The following ZNF326 variants were observed in gnomAD, a reference collection of about 807,000 sequenced individuals.
The protein encoded by ZNF326 is DBIRD complex subunit ZNF326.
In ZNF326, 30 loss-of-function variants were observed where a neutral mutation model predicts 63.1. That is an observed-to-expected ratio of 0.48 (90% CI 0.36 to 0.64). The LOEUF (loss-of-function observed/expected upper bound fraction) is 0.64. Ranked by LOEUF, ZNF326 falls within the 30% of genes least tolerant of loss-of-function variation. The pLI, the probability that ZNF326 is intolerant of heterozygous loss-of-function variation, is 0.00. For missense variants in ZNF326, 609 were observed against 720.3 expected (o/e 0.85, Z 1.77); for synonymous variants, 194 against 228.2 (o/e 0.85, Z 1.35).
In ZNF326 at chr1:90,035,338, C is replaced by A. The variant is rs1159698484; in HGVS notation, c.*7637C>A. The A allele has an allele frequency of 6.6e-6, 1 of 152,112 alleles. No homozygotes were observed. The highest frequency in any genetic ancestry group is 1.5e-5 in the Non-Finnish European group (1 of 68,006). The allele number at this position is 152,112 out of a possible 1,614,324, so 9.4% of individuals were successfully genotyped here. Reference sequence around the variant, plus strand: ...AAAGGTAGTTTTGTTTAATAGTTCACCATGAAAATCTGTACTATATAGAAA... The same window carrying A: ...AAAGGTAGTTTTGTTTAATAGTTCAACATGAAAATCTGTACTATATAGAAA... On this transcript the variant is annotated 3_prime_UTR_variant, in exon 12 of 12. Transcript: ENST00000340281.
intron 2 of ZNF326, 34 bp downstream of exon 2, chr1:89,998,188 G>A (rs201892552): frequency 1.2e-4 from 192 of 1,604,496 alleles, no homozygotes; most frequent in Non-Finnish European, 1.6e-4. Flanking sequence ...CTCTTCATGC[G>A]CATAAAAATA....
chr1:90,004,211 T>G (rs1648845407), intron 2 of ZNF326, among the ~76,000 whole-genome samples: 1 of 152,090 alleles, frequency 6.6e-6, no homozygotes, highest in Non-Finnish European at 1.5e-5. Context: ...GTGTTCACAT[T>G]GCTAGAATTT....
intron 1 of ZNF326, among the ~76,000 whole-genome samples, chr1:89,996,976 A>G (rs889082787): frequency 1.3e-5 from 2 of 152,354 alleles, no homozygotes; most frequent in African/African-American, 2.4e-5. Context: ...GAATTGAAAA[A>G]CAATAATAAA....
chr1:90,013,859 C>T (rs181855997), intron 7 of ZNF326, among the ~76,000 whole-genome samples: 1 of 151,714 alleles, frequency 6.6e-6, no homozygotes, highest in African/African-American at 2.4e-5. Flanking sequence ...GTCAGGAGAT[C>T]AAGACCATCC....
At chr1:90,018,303 A>T (rs957003876) in intron 8 of ZNF326, among the ~76,000 whole-genome samples, 2 of 152,022 alleles carry the variant, frequency 1.3e-5, no homozygotes, top group Non-Finnish European at 1.5e-5. Flanking sequence ...AAAAAAAAAA[A>T]AAAAAGTGAC....
In ZNF326 at chr1:90,034,385, C is replaced by T. The variant is rs997589362; in HGVS notation, c.*6684C>T. ...ATTGTCAAATTTATAATCATAGCTA[C>T]GTATTTGAACACAGCGCTTAGAAAT... On this transcript the variant is annotated 3_prime_UTR_variant, in exon 12 of 12. Coordinates refer to ENST00000340281, the MANE Select transcript of ZNF326 (RefSeq NM_182976.4). 1.3e-5 allele frequency: 2 copies of T among 152,058 alleles called. No individual in the cohort carries two copies. The highest frequency in any genetic ancestry group is 4.8e-5 in the African/African-American group (2 of 41,428). The allele number at this position is 152,058 out of a possible 1,614,324, so 9.4% of individuals were successfully genotyped here.
At chr1:90,009,419 TG>T (rs1252077698) in intron 5 of ZNF326, among the ~76,000 whole-genome samples, 1 of 152,154 alleles carries the variant, frequency 6.6e-6, no homozygotes, top group Non-Finnish European at 1.5e-5. Context: ...TTTGGTTGCA[TG>T]ACTCTTCATC....
chr1:89,995,746 T>C (rs1648331678), intron 1 of ZNF326, among the ~76,000 whole-genome samples: 1 of 152,252 alleles, frequency 6.6e-6, no homozygotes, highest in Admixed American at 6.5e-5. Flanking sequence ...TTCACAGTGA[T>C]GTTTCTGTTT....
At position 90,007,538 on chromosome 1, in the gene ZNF326, C is replaced by T; in HGVS notation, c.403C>T (p.Pro135Ser). The T allele has an allele frequency of 1.9e-6, 3 of 1,613,946 alleles. No homozygotes were observed. Among genetic ancestry groups the T allele is most frequent in the South Asian group, 1.1e-5 (1 of 91,064 alleles). The change falls in exon 5 of 12, where the codon CCT becomes TCT. Residue 135 changes from proline to serine, a missense_variant. Pro to Ser is a moderately conservative substitution (Grantham distance 74). Coordinates refer to ENST00000340281, the MANE Select transcript of ZNF326 (RefSeq NM_182976.4). This position sits in a 1 kb window ranked among gnomAD's most constrained non-coding sequence, Gnocchi z 4.9. ...CCAGGGCGGGTCTAGCTGGGAAGCACCTTACTCCCGTTCAAAATTGAGGCC... is the reference window on the plus strand; with the variant it reads ...CCAGGGCGGGTCTAGCTGGGAAGCATCTTACTCCCGTTCAAAATTGAGGCC... The part of the protein sequence containing the change: ...RNQGGSSWEA[P>S]YSRSKLRPGF...
Position 89,995,280 on chromosome 1 carries a change from G to C in ZNF326, c.16+7G>C. Reference sequence around the variant, plus strand: ...GCCATGGACTTCGAGGACGGTAAGCGCTGCCTCTGGCTGGTCGGCGCAGCT... The same window carrying C: ...GCCATGGACTTCGAGGACGGTAAGCCCTGCCTCTGGCTGGTCGGCGCAGCT... On this transcript the variant is annotated splice_region_variant and intron_variant, in intron 1 of 11. Transcript: ENST00000340281. The C allele has an allele frequency of 6.5e-7, 1 of 1,549,778 alleles. No homozygotes were observed. The highest frequency in any genetic ancestry group is 8.7e-7 in the Non-Finnish European group (1 of 1,149,428).
chr1:90,007,761 CAG>C lies in ZNF326; in HGVS notation c.615+13_615+14del, dbSNP rs1649055172. ...GGCCGAGGCCGAGGAGTAAGTACAA[CAG>C]AATCTTTTCAGATTCTTTTCACTAG... On this transcript the variant is annotated intron_variant, in intron 5 of 11. Coordinates refer to ENST00000340281, the MANE Select transcript of ZNF326 (RefSeq NM_182976.4). The surrounding 1 kb of genome is among the most constrained non-coding windows in gnomAD (Gnocchi z 4.9). 4 of 1,491,166 alleles carry C rather than the reference CAG, an allele frequency of 2.7e-6. No individual in the cohort carries two copies. The highest frequency in any genetic ancestry group is 8.9e-7 in the Non-Finnish European group (1 of 1,119,294). The allele number at this position is 1,491,166 out of a possible 1,614,324, so 92.4% of individuals were successfully genotyped here. A position where few individuals can be genotyped will look rare whatever the true frequency, so the allele number is the denominator to read the frequency against.
At chr1:90,025,791 T>A (rs1290640677) in intron 11 of ZNF326, among the ~76,000 whole-genome samples, 1 of 152,180 alleles carries the variant, frequency 6.6e-6, no homozygotes, top group African/African-American at 2.4e-5. Flanking sequence ...GTACAATAAA[T>A]CCTCAAGAAC....
chr1:90,000,978 G>A (rs1271231105), intron 2 of ZNF326, among the ~76,000 whole-genome samples: 1 of 152,048 alleles, frequency 6.6e-6, no homozygotes. Flanking sequence ...AGTGAACAGG[G>A]GTGTATGTAA....
intron 11 of ZNF326, among the ~76,000 whole-genome samples, chr1:90,026,345 C>T (rs1384142096): frequency 6.6e-6 from 1 of 152,090 alleles, no homozygotes; most frequent in African/African-American, 2.4e-5. Context: ...TCCACCAGTC[C>T]CATCCCAGGG....
chr1:90,026,788 T>C (rs929288895), intron 11 of ZNF326, among the ~76,000 whole-genome samples: 11 of 152,252 alleles, frequency 7.2e-5, no homozygotes, highest in African/African-American at 2.7e-4. Context: ...CCTTCTGATA[T>C]GGTCAAATTT....
intron 1 of ZNF326, among the ~76,000 whole-genome samples, 193 bp downstream of exon 1, chr1:89,995,466 G>T (rs971079894): frequency 6.6e-6 from 1 of 152,362 alleles, no homozygotes; most frequent in East Asian, 1.9e-4. Flanking sequence ...CCCGCTCGGC[G>T]CCCGCTGCCG....
At chr1:90,001,741 A>G (rs962677454) in intron 2 of ZNF326, among the ~76,000 whole-genome samples, 3 of 151,944 alleles carry the variant, frequency 2.0e-5, no homozygotes, top group Non-Finnish European at 4.4e-5. Context: ...GTTTTTTAGT[A>G]GAGACGGAGT....
At position 90,020,905 on chromosome 1, in the gene ZNF326, C is replaced by A; in HGVS notation, c.1288C>A (p.His430Asn). ...SVQQHLKSPD[H>N]IKGKQAYKEQ... is the part of the protein sequence containing the mutation. The stretch of plus-strand genomic sequence containing the variant: ...TCAGCAGCACTTAAAATCTCCTGAT[C>A]ATATCAAAGGGAAGCAGGTAAAATT... The change falls in exon 10 of 12, where the codon CAT (histidine) becomes AAT (asparagine). Residue 430 changes from histidine (H) to asparagine (N), a missense_variant. This residue lies in a region of ZNF326 where 399 missense variants were observed against 444.3 expected (regional missense o/e 0.90). Coordinates refer to ENST00000340281, the MANE Select transcript of ZNF326 (RefSeq NM_182976.4). 6.2e-7 allele frequency: 1 copy of A among 1,612,756 alleles called. No individual in the cohort carries two copies. Among genetic ancestry groups the A allele is most frequent in the South Asian group, 1.1e-5 (1 of 90,910 alleles).
chr1:90,009,498 G>A (rs1460538613), intron 5 of ZNF326, among the ~76,000 whole-genome samples: 3 of 152,102 alleles, frequency 2.0e-5, no homozygotes, highest in South Asian at 2.1e-4. Flanking sequence ...TGAATGGAAC[G>A]TCAGATGCAA....
Sources: gnomAD v4.1 joint callset for allele counts (sites outside exome capture counted in the v4.1 genomes callset) on GRCh38, gnomAD v4.1.1 for gene constraint, gnomAD v4.1.1 regional missense constraint, Gnocchi (gnomAD v3.1) non-coding constraint, MANE v1.5 for transcripts, NCBI Gene and HGNC (gene_info 2026-07-23, HGNC 2026-07-21) for gene names.